SPAG16: variants seen among roughly 807,000 people sequenced by gnomAD.
SPAG16 encodes the protein sperm-associated antigen 16 protein.
In SPAG16, 86 loss-of-function variants were observed where a neutral mutation model predicts 80.4. That is an observed-to-expected ratio of 1.07 (90% CI 0.90 to 1.28). The LOEUF is 1.28. SPAG16 is among the 50% of genes most tolerant of loss of function. The pLI, the probability that SPAG16 is intolerant of heterozygous loss-of-function variation, is 0.00. For missense variants in SPAG16, 870 were observed against 765.3 expected, an observed-to-expected ratio of 1.14 and a Z score of -1.61; for synonymous variants, 294 against 265.9, an observed-to-expected ratio of 1.11 and a Z score of -1.03.
At chr2:213,411,573 A>G (rs998529305) in intron 9 of SPAG16, among the ~76,000 whole-genome samples, 3 of 152,208 alleles carry the variant, frequency 2.0e-5, no homozygotes, top group South Asian at 2.1e-4. Context: ...ACTGCCCCCA[A>G]TAGAAGTATA....
chr2:213,363,991 A>G lies in SPAG16; in HGVS notation c.763-85A>G, dbSNP rs374194517. On this transcript the variant is annotated intron_variant, in intron 7 of 15. Coordinates refer to ENST00000331683, the MANE Select transcript of SPAG16 (RefSeq NM_024532.5). ...AGATTAATATTTTTTATATTTTACAATGGATATTTAAATATTGTGTTTTAT... is the reference window on the plus strand; with the variant it reads ...AGATTAATATTTTTTATATTTTACAGTGGATATTTAAATATTGTGTTTTAT... The G allele has an allele frequency of 2.7e-5, 13 of 477,452 alleles. No homozygotes were observed. In the South Asian group the frequency reaches 3.4e-4, roughly 12 times the overall value. 29.6% of individuals were successfully genotyped at this position (477,452 alleles called of 1,614,324 possible).
At chr2:214,365,357 ATTCT>A (rs1699411116) in intron 15 of SPAG16, among the ~76,000 whole-genome samples, 1 of 152,190 alleles carries the variant, frequency 6.6e-6, no homozygotes, top group African/African-American at 2.4e-5. Context: ...TCAAGACCAA[ATTCT>A]TTCTGCTAAC....
In SPAG16 at chr2:213,876,920, C is replaced by G. The variant is rs1319464830; in HGVS notation, c.1214+14292C>G. ...ATTTACACAAATTATTTATTTTGGT[C>G]TTCAACAATGTTAAAATGCATGATG... On this transcript the variant is annotated intron_variant, in intron 11 of 15. Coordinates refer to ENST00000331683, the MANE Select transcript of SPAG16 (RefSeq NM_024532.5). Among the ~76,000 whole-genome samples the G allele has an allele frequency of 2.6e-5, 4 of 152,094 alleles. No homozygotes were observed. In the East Asian group the frequency reaches 7.7e-4, roughly 29 times the overall value.
intron 10 of SPAG16, among the ~76,000 whole-genome samples, chr2:213,634,887 A>G (rs1366873383): frequency 6.6e-6 from 1 of 152,082 alleles, no homozygotes; most frequent in Non-Finnish European, 1.5e-5. Context: ...TTCACTTGGA[A>G]TAATGGTCTC....
At chr2:214,322,017 A>G (rs2125995280) in intron 15 of SPAG16, among the ~76,000 whole-genome samples, 1 of 152,362 alleles carries the variant, frequency 6.6e-6, no homozygotes, top group East Asian at 1.9e-4. Flanking sequence ...CAAAAGTTAC[A>G]CCTGCATTTC....
At position 214,390,341 on chromosome 2, in the gene SPAG16, T is replaced by TTA. The variant is rs1300923316; in HGVS notation, c.1721-19799_1721-19798insTA. ...AAATGAATGGGTATGCTTTTTTTTT[T>TTA]AAAAAAAAAAAAAAAAAAGTCCTTT... On this transcript the variant is annotated intron_variant, in intron 15 of 15. Coordinates refer to ENST00000331683, the MANE Select transcript of SPAG16 (RefSeq NM_024532.5). Among the ~76,000 whole-genome samples the TTA allele has an allele frequency of 1.5e-3, 188 of 125,464 alleles. 1 individual carries two copies. The highest frequency in any genetic ancestry group is 2.1e-3 in the Non-Finnish European group (131 of 61,998). 82.3% of individuals were successfully genotyped at this position (125,464 alleles called of 152,430 possible). A position where few individuals can be genotyped will look rare whatever the true frequency, so the allele number is the denominator to read the frequency against.
At chr2:213,849,364 C>G (rs2074790679) in intron 10 of SPAG16, among the ~76,000 whole-genome samples, 1 of 152,146 alleles carries the variant, frequency 6.6e-6, no homozygotes, top group Non-Finnish European at 1.5e-5. Flanking sequence ...CCGACACCAC[C>G]AAACTGGGGA....
intron 10 of SPAG16, among the ~76,000 whole-genome samples, chr2:213,517,560 T>C (rs1486614796): frequency 1.3e-5 from 2 of 152,168 alleles, no homozygotes; most frequent in Non-Finnish European, 2.9e-5. Context: ...TTTCAAACTA[T>C]ATTATAAGGC....
At chr2:213,686,589 A>T (rs970667378) in intron 10 of SPAG16, among the ~76,000 whole-genome samples, 3 of 150,672 alleles carry the variant, frequency 2.0e-5, no homozygotes, top group Admixed American at 1.3e-4. Flanking sequence ...TTTCTTGTTT[A>T]ATTTGATAAT....
At chr2:214,377,796 T>C (rs186376318) in intron 15 of SPAG16, among the ~76,000 whole-genome samples, 188 of 152,342 alleles carry the variant, frequency 1.2e-3, no homozygotes, top group African/African-American at 4.1e-3. Context: ...CTTAGGAACG[T>C]AGCCATACAG....
intron 13 of SPAG16, among the ~76,000 whole-genome samples, chr2:214,085,378 CAAAA>C (rs5838406): frequency 4.2e-5 from 5 of 120,182 alleles, no homozygotes; most frequent in Non-Finnish European, 5.2e-5. Flanking sequence ...GATTCCACCT[CAAAA>C]AAAAAAAAAA....
At chr2:213,447,088 G>A (rs2071363452) in intron 9 of SPAG16, among the ~76,000 whole-genome samples, 2 of 152,182 alleles carry the variant, frequency 1.3e-5, no homozygotes, top group South Asian at 4.1e-4. Flanking sequence ...CTCACATGTA[G>A]TAGTATTAAA....
At chr2:213,336,204 G>A (rs2064351224) in intron 5 of SPAG16, among the ~76,000 whole-genome samples, 1 of 152,188 alleles carries the variant, frequency 6.6e-6, no homozygotes, top group South Asian at 2.1e-4. Flanking sequence ...AGTTCCCCTT[G>A]CGAGCCCACG....
At position 213,506,921 on chromosome 2, in the gene SPAG16, A is replaced by C. The variant is rs1390731895; in HGVS notation, c.1070+16831A>C. ...GTAGCAAAATGGCTGAAGCAATTTT[A>C]GACATCATATGCTTTCACAATGCTC... On this transcript the variant is annotated intron_variant, in intron 10 of 15. Transcript: ENST00000331683. Among the ~76,000 whole-genome samples, 3 of 152,208 alleles carry C rather than the reference A, an allele frequency of 2.0e-5. No homozygotes were observed. In the East Asian group the frequency reaches 5.8e-4, roughly 29 times the overall value.
intron 9 of SPAG16, among the ~76,000 whole-genome samples, chr2:213,465,163 C>G (rs902423833): frequency 1.3e-5 from 2 of 152,152 alleles, no homozygotes; most frequent in African/African-American, 4.8e-5. Context: ...AATGAGAGAC[C>G]TATTAGCTGT....
At chr2:213,947,054 A>T (rs1036074819) in intron 12 of SPAG16, among the ~76,000 whole-genome samples, 3 of 152,108 alleles carry the variant, frequency 2.0e-5, no homozygotes, top group Admixed American at 2.0e-4. Flanking sequence ...TTGCTGAATA[A>T]TAGTCTATTG....
chr2:213,448,356 C>G (rs982874825), intron 9 of SPAG16, among the ~76,000 whole-genome samples: 1 of 152,168 alleles, frequency 6.6e-6, no homozygotes, highest in African/African-American at 2.4e-5. Flanking sequence ...ATTTTTGAAG[C>G]CTCTCAAGCT....
chr2:214,285,675 T>G (rs2125921002), intron 15 of SPAG16, among the ~76,000 whole-genome samples: 1 of 152,110 alleles, frequency 6.6e-6, no homozygotes, highest in Non-Finnish European at 1.5e-5. Flanking sequence ...TGGTGGTGGG[T>G]GCCTGTAATT....
chr2:214,224,579 C>T (rs538779649), intron 15 of SPAG16, among the ~76,000 whole-genome samples: 5 of 152,238 alleles, frequency 3.3e-5, no homozygotes, highest in Admixed American at 2.6e-4. Context: ...GAGTTGCAGA[C>T]TAAGGGATTT....
Sources: allele counts gnomAD v4.1 joint callset (sites outside exome capture counted in the v4.1 genomes callset), GRCh38; gene constraint gnomAD v4.1.1; transcripts MANE v1.5; gene names NCBI Gene and HGNC (gene_info 2026-07-23, HGNC 2026-07-21).